Variants in CHRM3 observed in about 807,000 individuals in gnomAD.
CHRM3 encodes the protein muscarinic acetylcholine receptor M3.
CHRM3 carries 11 observed loss-of-function variants against 41.8 expected under a neutral mutation model. The observed-to-expected ratio is 0.26, with a 90% confidence interval of 0.17 to 0.44. The LOEUF (loss-of-function observed/expected upper bound fraction) is 0.44. Among genes scored for constraint, CHRM3 ranks in the 20% least tolerant of loss-of-function variants. CHRM3 has a pLI of 1.00. For synonymous variants in CHRM3, 297 were observed against 301.4 expected (o/e 0.99, Z 0.15); for missense variants, 571 against 745.4 (o/e 0.77, Z 2.72).
intron 5 of CHRM3, among the ~76,000 whole-genome samples, chr1:239,778,688 G>A (rs541778701): frequency 6.6e-6 from 1 of 152,262 alleles, no homozygotes; most frequent in South Asian, 2.1e-4. Flanking sequence ...GAACCCGTTG[G>A]TTCGCATAGT....
At chr1:239,522,689 G>C (rs1669733228) in intron 2 of CHRM3, among the ~76,000 whole-genome samples, 1 of 152,134 alleles carries the variant, frequency 6.6e-6, no homozygotes, top group South Asian at 2.1e-4. Flanking sequence ...ATGTTGTTCA[G>C]GCAGATGCGT....
intron 4 of CHRM3, among the ~76,000 whole-genome samples, chr1:239,656,469 G>A (rs28575009): frequency 0.046 from 6,031 of 130,176 alleles, 228 homozygotes; most frequent in African/African-American, 0.098. Context: ...AAAAAAAAAA[G>A]AAAAAAGAAA....
At chr1:239,609,919 G>A (rs988208275) in intron 3 of CHRM3, among the ~76,000 whole-genome samples, 14 of 152,000 alleles carry the variant, frequency 9.2e-5, no homozygotes, top group Non-Finnish European at 1.9e-4. Context: ...TAGGCCGGGC[G>A]CAGTGGCTCA....
intron 5 of CHRM3, among the ~76,000 whole-genome samples, chr1:239,686,225 A>G (rs1037084299): frequency 1.3e-5 from 2 of 152,182 alleles, no homozygotes; most frequent in Admixed American, 6.5e-5. Context: ...TCTTGATTCC[A>G]TGGTGCCTAT....
At chr1:239,696,674 C>T (rs1660225609) in intron 5 of CHRM3, among the ~76,000 whole-genome samples, 1 of 152,138 alleles carries the variant, frequency 6.6e-6, no homozygotes, top group Admixed American at 6.6e-5. Context: ...CATACTGGCA[C>T]ATTTATGTAG....
intron 1 of CHRM3, among the ~76,000 whole-genome samples, chr1:239,449,399 G>C (rs559553282): frequency 6.6e-6 from 1 of 152,232 alleles, no homozygotes; most frequent in East Asian, 1.9e-4. Flanking sequence ...ACTATATAAA[G>C]ACTGGAACAA....
At chr1:239,577,916 C>G (rs73120655) in intron 3 of CHRM3, among the ~76,000 whole-genome samples, 5 of 152,148 alleles carry the variant, frequency 3.3e-5, no homozygotes, top group South Asian at 2.1e-4. Flanking sequence ...ACACTTCCAG[C>G]AAAACTCTAT....
intron 3 of CHRM3, among the ~76,000 whole-genome samples, chr1:239,568,355 G>T (rs1661546029): frequency 6.6e-6 from 1 of 152,094 alleles, no homozygotes; most frequent in Non-Finnish European, 1.5e-5. Context: ...TAAGTTTCAC[G>T]AGATCTGATT....
chr1:239,392,918 G>C (rs1659165037), intron 1 of CHRM3, among the ~76,000 whole-genome samples: 1 of 152,104 alleles, frequency 6.6e-6, no homozygotes, highest in African/African-American at 2.4e-5. Flanking sequence ...GCCAATTCTT[G>C]CCCACAGCCA....
At chr1:239,742,088 A>G (rs1233878066) in intron 5 of CHRM3, among the ~76,000 whole-genome samples, 1 of 20,694 alleles carries the variant, frequency 4.8e-5, no homozygotes, top group African/African-American at 9.6e-5. Flanking sequence ...TGCAGCATGC[A>G]TACGTTTTTT....
chr1:239,717,291 G>T (rs963088540), intron 5 of CHRM3, among the ~76,000 whole-genome samples: 2 of 152,068 alleles, frequency 1.3e-5, no homozygotes, highest in African/African-American at 4.8e-5. Context: ...AATTATGCTG[G>T]TACCAGGAAA....
At chr1:239,507,469 G>A (rs536845129) in intron 2 of CHRM3, among the ~76,000 whole-genome samples, 4 of 152,312 alleles carry the variant, frequency 2.6e-5, no homozygotes, top group South Asian at 2.1e-4. Context: ...CCCCACCCAC[G>A]TGGAACTGTA....
chr1:239,548,762 G>A (rs542646966), intron 3 of CHRM3, among the ~76,000 whole-genome samples: 3 of 152,160 alleles, frequency 2.0e-5, no homozygotes, highest in Non-Finnish European at 4.4e-5. Context: ...GCCCTCCCAG[G>A]GCCTGCAGCA....
chr1:239,819,158 C>T (rs918234927), intron 5 of CHRM3, among the ~76,000 whole-genome samples: 5 of 152,162 alleles, frequency 3.3e-5, no homozygotes, highest in African/African-American at 7.2e-5. Context: ...GATAGATTTG[C>T]GCTCCTTAAA....
At chr1:239,444,517 G>A (rs1663980665) in intron 1 of CHRM3, among the ~76,000 whole-genome samples, 1 of 152,124 alleles carries the variant, frequency 6.6e-6, no homozygotes, top group Non-Finnish European at 1.5e-5. Flanking sequence ...TGCCTGGTGA[G>A]CTGGGACCTG....
At chr1:239,576,885 A>C (rs1050554836) in intron 3 of CHRM3, among the ~76,000 whole-genome samples, 3 of 152,182 alleles carry the variant, frequency 2.0e-5, no homozygotes, top group African/African-American at 4.8e-5. Flanking sequence ...TGAAAAGCAC[A>C]CACTGTGCTA....
chr1:239,565,910 C>CTTT (rs796838831), intron 3 of CHRM3, among the ~76,000 whole-genome samples: 49 of 117,416 alleles, frequency 4.2e-4, no homozygotes, highest in African/African-American at 6.5e-4. Flanking sequence ...CATCTTTTTT[C>CTTT]TTTTTTTTTT....
chr1:239,393,956 C>G (rs1011086361), intron 1 of CHRM3, among the ~76,000 whole-genome samples: 2 of 152,032 alleles, frequency 1.3e-5, no homozygotes, highest in South Asian at 4.1e-4. Flanking sequence ...ATATCTAATC[C>G]ACCTATGTTC....
chr1:239,470,746 T>A (rs1441458365), intron 1 of CHRM3, among the ~76,000 whole-genome samples: 1 of 152,240 alleles, frequency 6.6e-6, no homozygotes, highest in Admixed American at 6.5e-5. Context: ...TGGAAGCTAG[T>A]ACATCACATC....
Sources: gnomAD v4.1 joint callset for allele counts (sites outside exome capture counted in the v4.1 genomes callset) on GRCh38, gnomAD v4.1.1 for gene constraint, MANE v1.5 for transcripts, NCBI Gene and HGNC (gene_info 2026-07-23, HGNC 2026-07-21) for gene names.